ADGRG2: variants seen among roughly 807,000 people sequenced by gnomAD.
ADGRG2 encodes adhesion G protein-coupled receptor G2, also known as G protein-coupled receptor 64.
A neutral mutation model predicts 74.1 loss-of-function variants in ADGRG2; 26 were observed. The ratio of observed to expected loss-of-function variants is 0.35; its 90% CI spans 0.26 to 0.49. ADGRG2 has a LOEUF of 0.49. Among genes scored for constraint, ADGRG2 ranks in the 20% least tolerant of loss-of-function variants. The pLI is 0.99. For missense variants in ADGRG2, 619 were observed against 763.1 expected (o/e 0.81, Z 2.22); for synonymous variants, 296 against 295.2 (o/e 1.00, Z -0.03).
intron 3 of ADGRG2, among the ~76,000 whole-genome samples, chrX:19,043,500 G>C (rs1041734466): frequency 8.9e-6 from 1 of 111,964 alleles, no homozygotes; most frequent in Admixed American, 9.5e-5. Flanking sequence ...TTTTCCTTTG[G>C]AACCTACAAA....
Position 19,068,847 on chromosome X carries a change from T to G in ADGRG2, c.-1-12A>C, listed in dbSNP as rs752009100. The G allele has an allele frequency of 5.7e-6, 5 of 877,445 alleles. No homozygotes were observed. The Admixed American group carries it at 1.2e-4, about 21-fold the overall frequency. The allele number at this position is 877,445 out of a possible 1,213,427, so 72.3% of individuals were successfully genotyped here. A position where few individuals can be genotyped will look rare whatever the true frequency, so the allele number is the denominator to read the frequency against. On this transcript the variant is annotated splice_polypyrimidine_tract_variant and intron_variant, in intron 2 of 28. Coordinates refer to ENST00000379869, the MANE Select transcript of ADGRG2 (RefSeq NM_001079858.3). ...CAGAGAAAACCATCCTGGAATAAAG[T>G]AAGGAGAAGACAGATCATCACAGCT...
At chrX:18,995,175 C>T in intron 27 of ADGRG2, 127 bp from the exon 28 acceptor site, 1 of 447,671 alleles carries the variant, frequency 2.2e-6, no homozygotes, top group East Asian at 3.9e-5. Context: ...GAGAAGTCAC[C>T]TTCCACCAGT....
chrX:19,051,276 G>A (rs1235084123), intron 3 of ADGRG2, among the ~76,000 whole-genome samples: 2 of 110,704 alleles, frequency 1.8e-5, no homozygotes, highest in South Asian at 3.9e-4. Context: ...GGGTTTCACC[G>A]TGTTAGCCAG....
chrX:18,990,610 T>C lies in ADGRG2; in HGVS notation c.*254A>G. ...TTTTTGTTTTCTTTATAGGAGTCAT[T>C]CTTAGTGTATTGTTTAAAACCAACC... On this transcript the variant is annotated 3_prime_UTR_variant, in exon 29 of 29. Transcript: ENST00000379869. 4.2e-6 allele frequency: 1 copy of C among 235,553 alleles called. No homozygotes were observed. The highest frequency in any genetic ancestry group is 6.7e-5 in the Admixed American group (1 of 15,030). 19.4% of individuals were successfully genotyped at this position (235,553 alleles called of 1,213,427 possible).
At chrX:19,113,640 A>G (rs2062455245) in intron 1 of ADGRG2, among the ~76,000 whole-genome samples, 1 of 112,427 alleles carries the variant, frequency 8.9e-6, no homozygotes, top group Admixed American at 9.4e-5. Flanking sequence ...TAGGTACACG[A>G]GCAAGAGTGT....
At chrX:19,095,969 A>C (rs952738862) in intron 1 of ADGRG2, among the ~76,000 whole-genome samples, 1 of 111,904 alleles carries the variant, frequency 8.9e-6, no homozygotes, top group Admixed American at 9.5e-5. Flanking sequence ...CAGTGAACAA[A>C]GACTGTGCCA....
chrX:19,090,283 T>A (rs1185330950), intron 1 of ADGRG2, among the ~76,000 whole-genome samples: 1 of 111,522 alleles, frequency 9.0e-6, no homozygotes, highest in Admixed American at 9.5e-5. Flanking sequence ...CATTTGCTCA[T>A]GATAATCTCC....
intron 1 of ADGRG2, among the ~76,000 whole-genome samples, chrX:19,104,877 A>G (rs1458583408): frequency 4.2e-5 from 4 of 94,495 alleles, no homozygotes; most frequent in Admixed American, 3.8e-4. Context: ...AGATCACACC[A>G]CTGCACTCTC....
At chrX:19,050,729 A>AT (rs1027344023) in intron 3 of ADGRG2, among the ~76,000 whole-genome samples, 1 of 111,250 alleles carries the variant, frequency 9.0e-6, no homozygotes, top group Non-Finnish European at 1.9e-5. Context: ...CTCTAAAAAA[A>AT]TTTTTTTTAA....
Position 19,037,571 on chromosome X carries a change from ATT to A in ADGRG2, c.202+16_202+17del, listed in dbSNP as rs1429763817. 8.6e-6 allele frequency: 10 copies of A among 1,167,043 alleles called. No homozygotes were observed. Among genetic ancestry groups the A allele is most frequent in the Non-Finnish European group, 1.2e-5 (10 of 864,290 alleles). ...CAAATTGGACTAAATCTAGGTTTAA[ATT>A]TTTTCAAAATCTTGCCTGGAGTACC... On this transcript the variant is annotated intron_variant, in intron 5 of 28. Transcript: ENST00000379869.
chrX:19,011,231 G>A (rs890991295), intron 16 of ADGRG2, among the ~76,000 whole-genome samples: 6 of 111,353 alleles, frequency 5.4e-5, no homozygotes, highest in Non-Finnish European at 1.1e-4. Context: ...CAGGGGCTGG[G>A]GGTGAGGGGA....
At chrX:19,002,097 TTAA>T (rs757121449) in intron 24 of ADGRG2, among the ~76,000 whole-genome samples, 64 of 111,031 alleles carry the variant, frequency 5.8e-4, no homozygotes, top group African/African-American at 2.0e-3. Flanking sequence ...CCAACTGAAC[TTAA>T]TGGAAAATCA....
At chrX:19,120,949 A>C (rs767314917) in intron 1 of ADGRG2, among the ~76,000 whole-genome samples, 1 of 112,608 alleles carries the variant, frequency 8.9e-6, no homozygotes, top group South Asian at 3.7e-4. Context: ...AGTAGAGCTA[A>C]TGCAAAGCTG....
chrX:19,068,456 G>C (rs914404512), intron 3 of ADGRG2, among the ~76,000 whole-genome samples: 3 of 104,436 alleles, frequency 2.9e-5, no homozygotes, highest in Non-Finnish European at 5.7e-5. Flanking sequence ...AGGAAGGGGT[G>C]GGGGGGAAGG....
Position 18,999,911 on chromosome X carries a change from G to A in ADGRG2, c.2280C>T (p.Asn760=). The change falls in exon 25 of 29, where the codon AAC becomes AAT. Residue 760 remains asparagine, a synonymous_variant. Coordinates refer to ENST00000379869, the MANE Select transcript of ADGRG2 (RefSeq NM_001079858.3). ...VTIILTISPD[N]YGLGSYGKFP... is the part of the protein sequence containing the mutation. ...ATTTCCCATAGGATCCAAGCCCATA[G>A]TTATCTGGGGATATAGTCAGGATGA... 8.3e-7 allele frequency: 1 copy of A among 1,198,105 alleles called. No individual in the cohort carries two copies. Among genetic ancestry groups the A allele is most frequent in the Non-Finnish European group, 1.1e-6 (1 of 883,948 alleles).
intron 1 of ADGRG2, among the ~76,000 whole-genome samples, chrX:19,105,984 A>G (rs1422399126): frequency 4.6e-5 from 5 of 108,193 alleles, no homozygotes; most frequent in African/African-American, 1.7e-4. Flanking sequence ...TTTGGCACAT[A>G]TTCGAGATAA....
At chrX:19,065,261 C>CAAAAAAAAAAAAAA (rs749063279) in intron 3 of ADGRG2, among the ~76,000 whole-genome samples, 5 of 11,102 alleles carry the variant, frequency 4.5e-4, no homozygotes, top group African/African-American at 6.3e-4. Flanking sequence ...GATCCTGTCT[C>CAAAAAAAAAAAAAA]AAAAAAAAAA....
rs2060276542 is a variant in ADGRG2, at chrX:19,008,201, G to A, written c.1423-78C>T. 4.0e-6 allele frequency: 3 copies of A among 747,435 alleles called. No homozygotes were observed. The Admixed American group carries it at 1.1e-4, about 27-fold the overall frequency. 61.6% of individuals were successfully genotyped at this position (747,435 alleles called of 1,213,427 possible). On this transcript the variant is annotated intron_variant, in intron 18 of 28. Transcript: ENST00000379869. ...TGGAAAACACATCTATTAAGTTGGT[G>A]CAAAAGTAATTGCAGTATGTGCCAT...
intron 8 of ADGRG2, chrX:19,031,520 A>T: frequency 8.8e-6 from 1 of 113,938 alleles, no homozygotes; most frequent in Non-Finnish European, 1.8e-5. Flanking sequence ...AAACTACAAA[A>T]TTCAAAACAT....
Sources: allele counts gnomAD v4.1 joint callset (sites outside exome capture counted in the v4.1 genomes callset), GRCh38; gene constraint gnomAD v4.1.1; transcripts MANE v1.5; gene names NCBI Gene and HGNC (gene_info 2026-07-23, HGNC 2026-07-21).